Variants in ADAM32 observed in about 807,000 individuals in gnomAD.
The protein encoded by ADAM32 is ADAM metallopeptidase domain 32, also known as disintegrin and metalloproteinase domain-containing protein 32.
In ADAM32, 89 loss-of-function variants were observed where a neutral mutation model predicts 114.9. That is an observed-to-expected ratio of 0.77 (90% CI 0.65 to 0.92). The LOEUF (loss-of-function observed/expected upper bound fraction) is 0.92. ADAM32 is among the 40% of genes least tolerant of loss of function. ADAM32 has a pLI of 0.00. For synonymous variants in ADAM32, 285 were observed against 307.5 expected (o/e 0.93, Z 0.77); for missense variants, 870 against 932.8 (o/e 0.93, Z 0.88).
intron 10 of ADAM32, among the ~76,000 whole-genome samples, chr8:39,172,461 G>A (rs1425636755): frequency 6.6e-6 from 1 of 152,098 alleles, no homozygotes; most frequent in Non-Finnish European, 1.5e-5. Flanking sequence ...TACATTAGCT[G>A]TTTATCCTGG....
chr8:39,129,734 T>C (rs1802328268), intron 2 of ADAM32, among the ~76,000 whole-genome samples: 1 of 152,206 alleles, frequency 6.6e-6, no homozygotes, highest in African/African-American at 2.4e-5. Context: ...GAAAGAATTG[T>C]GAAGGATTAA....
intron 12 of ADAM32, among the ~76,000 whole-genome samples, chr8:39,220,121 A>G (rs1808851462): frequency 6.6e-6 from 1 of 152,162 alleles, no homozygotes; most frequent in African/African-American, 2.4e-5. Flanking sequence ...TAGGTTCTAC[A>G]GTGTTCAGTG....
At chr8:39,255,149 T>C (rs1157271296) in intron 18 of ADAM32, among the ~76,000 whole-genome samples, 1 of 151,994 alleles carries the variant, frequency 6.6e-6, no homozygotes, top group Non-Finnish European at 1.5e-5. Context: ...TGGTTCCATA[T>C]TTTTGCAGTT....
At chr8:39,252,412 T>C (rs1036188347) in intron 17 of ADAM32, among the ~76,000 whole-genome samples, 4 of 138,098 alleles carry the variant, frequency 2.9e-5, no homozygotes, top group African/African-American at 1.1e-4. Context: ...AAACAAAAAA[T>C]GAAAAAAAAA....
chr8:39,217,214 C>T (rs534454871), intron 12 of ADAM32, among the ~76,000 whole-genome samples: 75 of 152,092 alleles, frequency 4.9e-4, no homozygotes, highest in African/African-American at 1.7e-3. Context: ...AAGGTTTCTG[C>T]TGAAAAGTCT....
At chr8:39,107,618 C>T, upstream of ADAM32, 1 of 1,462,614 alleles carries the variant, frequency 6.8e-7, no homozygotes, top group South Asian at 1.4e-5. Context: ...CCTTCGTGTT[C>T]CGGACGCTAA....
intron 12 of ADAM32, 127 bp downstream of exon 12, chr8:39,211,451 C>G: frequency 1.1e-6 from 1 of 921,366 alleles, no homozygotes; most frequent in Non-Finnish European, 1.5e-6. Context: ...GAAGTTGGGT[C>G]GAAATACATA....
chr8:39,147,637 C>A (rs1803583095), intron 4 of ADAM32, among the ~76,000 whole-genome samples: 1 of 152,074 alleles, frequency 6.6e-6, no homozygotes. Flanking sequence ...CATCCACCTT[C>A]TTCCTCTGCC....
intron 2 of ADAM32, among the ~76,000 whole-genome samples, chr8:39,118,776 CAT>C (rs1337645136): frequency 6.6e-6 from 1 of 152,106 alleles, no homozygotes; most frequent in East Asian, 1.9e-4. Flanking sequence ...TTTACAACAC[CAT>C]AGAGTTCACC....
At chr8:39,223,835 AC>A (rs1449305108) in intron 14 of ADAM32, 4 of 151,648 alleles carry the variant, frequency 2.6e-5, no homozygotes, top group African/African-American at 9.7e-5. Flanking sequence ...CCATCATTCT[AC>A]TCTCTGCATT....
At chr8:39,189,771 C>T (rs768472949) in intron 11 of ADAM32, among the ~76,000 whole-genome samples, 33 of 152,168 alleles carry the variant, frequency 2.2e-4, no homozygotes, top group Non-Finnish European at 1.0e-4. Context: ...ACCCACTCTT[C>T]CCAGTCTCTG....
chr8:39,254,479 T>C lies in ADAM32; in HGVS notation c.1968T>C (p.Arg656=), dbSNP rs200834896. 20 of 1,596,124 alleles carry C rather than the reference T, an allele frequency of 1.3e-5. No individual in the cohort carries two copies. The African/African-American group carries it at 2.3e-4, about 18-fold the overall frequency. ...ATAAGCCTCCAAACTGCCAAATACG[T>C]TCCAAAGGATTTTCCATATTTCCTG... ...PGYKPPNCQI[R]SKGFSIFPEE... The change falls in exon 18 of 25, where the codon CGT becomes CGC. Residue 656 remains arginine (R), a synonymous_variant. Transcript: ENST00000379907.
At chr8:39,274,178 G>T in intron 20 of ADAM32, 134 bp from the exon 21 acceptor site, 1 of 827,906 alleles carries the variant, frequency 1.2e-6, no homozygotes, top group Non-Finnish European at 2.0e-6. Context: ...AGTGACCTTT[G>T]GACATCATTT....
chr8:39,266,301 C>T (rs4422746), intron 19 of ADAM32, among the ~76,000 whole-genome samples: 23,189 of 152,134 alleles, frequency 0.15, 1,999 homozygotes, highest in Middle Eastern at 0.26. Flanking sequence ...GGAATGCCAG[C>T]GAGTCCCAGG....
At chr8:39,191,512 A>G (rs1806605926) in intron 11 of ADAM32, among the ~76,000 whole-genome samples, 1 of 152,010 alleles carries the variant, frequency 6.6e-6, no homozygotes, top group South Asian at 2.1e-4. Flanking sequence ...AGTGGTATGG[A>G]GCTTTTTTTC....
At chr8:39,284,408 CACAT>C in intron 24 of ADAM32, among the ~76,000 whole-genome samples, 1 of 151,630 alleles carries the variant, frequency 6.6e-6, no homozygotes, top group South Asian at 2.1e-4. Context: ...CACGTACACA[CACAT>C]ACACACACAC....
rs1809335464 is a variant in ADAM32 at position 39,225,933 on chromosome 8, A to C, written c.1525+2695A>C. Among the ~76,000 whole-genome samples the C allele has an allele frequency of 2.6e-5, 4 of 152,334 alleles. No homozygotes were observed. The South Asian group carries it at 8.3e-4, about 32-fold the overall frequency. On this transcript the variant is annotated intron_variant, in intron 14 of 24. Coordinates refer to ENST00000379907, the MANE Select transcript of ADAM32 (RefSeq NM_145004.7). The stretch of plus-strand genomic sequence containing the variant: ...CCATTAAATGACACAATAATTTTCT[A>C]ATAACTGATCCCAGAGAAATAAAGA...
chr8:39,214,043 C>A lies in ADAM32; in HGVS notation c.1233+2719C>A, dbSNP rs112341504. Among the ~76,000 whole-genome samples, 876 of 152,212 alleles carry A rather than the reference C, an allele frequency of 5.8e-3. 4 individuals are homozygous for A. Among genetic ancestry groups the A allele is most frequent in the African/African-American group, 0.02 (815 of 41,550 alleles). On this transcript the variant is annotated intron_variant, in intron 12 of 24. Transcript: ENST00000379907. Reference sequence around the variant, plus strand: ...CATTCTTTTTTATGGGTGAATAGTACTCCATTGTGTATATGTACCACATTT... The same window carrying A: ...CATTCTTTTTTATGGGTGAATAGTAATCCATTGTGTATATGTACCACATTT...
intron 17 of ADAM32, among the ~76,000 whole-genome samples, chr8:39,253,915 A>G (rs1049954020): frequency 6.6e-6 from 1 of 151,626 alleles, no homozygotes; most frequent in African/African-American, 2.4e-5. Flanking sequence ...AAAAAATTAT[A>G]TAAGATGAAA....
Sources: gnomAD v4.1 joint callset for allele counts (sites outside exome capture counted in the v4.1 genomes callset) on GRCh38, gnomAD v4.1.1 for gene constraint, MANE v1.5 for transcripts, NCBI Gene and HGNC (gene_info 2026-07-23, HGNC 2026-07-21) for gene names.